The following ZNF385D variants were observed in gnomAD, a reference collection of about 807,000 sequenced individuals.
ZNF385D encodes the protein zinc finger protein 659.
Under a neutral mutation model 35.8 loss-of-function variants are expected in ZNF385D, and 15 were observed. That is an observed-to-expected ratio of 0.42 (90% CI 0.28 to 0.64). The LOEUF is 0.64. Ranked by LOEUF, ZNF385D falls within the 30% of genes least tolerant of loss-of-function variation. The probability of loss-of-function intolerance (pLI) is 0.23; values close to 1 mark genes in which losing one functional copy is unlikely to be tolerated. For synonymous variants in ZNF385D, 212 were observed against 186.8 expected (o/e 1.13, Z -1.10); for missense variants, 474 against 494.6 (o/e 0.96, Z 0.39).
At chr3:21,748,968 C>G (rs1297245827) in intron 1 of ZNF385D, among the ~76,000 whole-genome samples, 2 of 152,074 alleles carry the variant, frequency 1.3e-5, no homozygotes, top group Admixed American at 1.3e-4. Context: ...TTGTGGATAT[C>G]TAACAGCTTG....
rs2070049049 is a variant in ZNF385D at position 21,751,003 on chromosome 3, A to G, written c.-87T>C. On this transcript the variant is annotated 5_prime_UTR_variant, in exon 1 of 8. An upstream open reading frame in the 5' UTR loses its in-frame stop. Coordinates refer to ENST00000281523, the MANE Select transcript of ZNF385D (RefSeq NM_024697.3). ...ACGTAGAGCAGAGCCCTTTCATGCT[A>G]CATTCGGTGGAAATGTCCCCGGCGT... 1.2e-6 allele frequency: 2 copies of G among 1,609,982 alleles called. No homozygotes were observed. Among genetic ancestry groups the G allele is most frequent in the Non-Finnish European group, 1.7e-6 (2 of 1,178,298 alleles).
intron 2 of ZNF385D, among the ~76,000 whole-genome samples, chr3:21,593,177 A>G (rs2064031897): frequency 6.6e-6 from 1 of 151,862 alleles, no homozygotes; most frequent in Admixed American, 6.6e-5. Flanking sequence ...TCTCAACTCA[A>G]CTCACTTACT....
At chr3:21,858,343 C>G (rs1696849319) in intron 3 of ZNF385D, among the ~76,000 whole-genome samples, 1 of 151,926 alleles carries the variant, frequency 6.6e-6, no homozygotes, top group African/African-American at 2.4e-5. Flanking sequence ...ACAGTGGACT[C>G]TGGTCAAATT....
At chr3:22,068,561 T>C (rs995596880) in intron 3 of ZNF385D, among the ~76,000 whole-genome samples, 1 of 152,218 alleles carries the variant, frequency 6.6e-6, no homozygotes, top group African/African-American at 2.4e-5. Context: ...CTCCTAGCAG[T>C]TGGATCTGCC....
intron 3 of ZNF385D, chr3:21,511,837 T>G (rs530871406): frequency 1.8e-5 from 8 of 453,574 alleles, no homozygotes; most frequent in South Asian, 1.1e-4. Flanking sequence ...TTTTTTTTTG[T>G]GGGGGAGCGG....
At chr3:22,171,095 C>A (rs888368496) in intron 2 of ZNF385D, among the ~76,000 whole-genome samples, 11 of 147,896 alleles carry the variant, frequency 7.4e-5, no homozygotes, top group African/African-American at 2.5e-4. Context: ...AAAAATTGCA[C>A]ATGATGACCA....
intron 3 of ZNF385D, among the ~76,000 whole-genome samples, chr3:21,935,144 T>C (rs764251514): frequency 2.6e-4 from 40 of 152,276 alleles, no homozygotes; most frequent in Non-Finnish European, 5.0e-4. Context: ...TATTAATAAG[T>C]TGTATAGAAA....
At chr3:21,827,118 C>A (rs1001126249) in intron 3 of ZNF385D, among the ~76,000 whole-genome samples, 1 of 152,152 alleles carries the variant, frequency 6.6e-6, no homozygotes, top group Admixed American at 6.5e-5. Flanking sequence ...GAAATTAGGT[C>A]ATACATGCAA....
At chr3:22,333,248 G>A (rs1276743543) in intron 2 of ZNF385D, among the ~76,000 whole-genome samples, 1 of 152,114 alleles carries the variant, frequency 6.6e-6, no homozygotes, top group Non-Finnish European at 1.5e-5. Context: ...CTGGCTTTCA[G>A]GAGTGTGTTT....
At chr3:22,186,595 G>A (rs1559437780) in intron 2 of ZNF385D, among the ~76,000 whole-genome samples, 1 of 151,978 alleles carries the variant, frequency 6.6e-6, no homozygotes, top group Non-Finnish European at 1.5e-5. Context: ...ATTTTGATCT[G>A]ACTTTCCTTG....
intron 2 of ZNF385D, among the ~76,000 whole-genome samples, chr3:21,567,800 G>T (rs528097344): frequency 6.6e-6 from 1 of 152,234 alleles, no homozygotes; most frequent in East Asian, 1.9e-4. Flanking sequence ...ATACTGCTGA[G>T]TTTTTATCAT....
At chr3:21,610,381 T>C (rs2125787507) in intron 2 of ZNF385D, among the ~76,000 whole-genome samples, 1 of 152,332 alleles carries the variant, frequency 6.6e-6, no homozygotes, top group South Asian at 2.1e-4. Context: ...ATATGAGCAC[T>C]TATTAACATA....
At chr3:21,940,539 T>C (rs1280315504) in intron 3 of ZNF385D, among the ~76,000 whole-genome samples, 2 of 152,196 alleles carry the variant, frequency 1.3e-5, no homozygotes, top group Non-Finnish European at 2.9e-5. Context: ...TGCCAGAAAC[T>C]CTGCTTCTTG....
Position 21,656,594 on chromosome 3 carries a change from C to G in ZNF385D, c.165+8292G>C, listed in dbSNP as rs139192560. ...CAATGACCCTATTTCCAATTAAGAT[C>G]ACATTCTAATTCACTAGGAGTAATG... is the stretch of plus-strand genomic sequence containing the variant. On this transcript the variant is annotated intron_variant, in intron 2 of 7. Transcript: ENST00000281523. 8.2e-3 allele frequency among the ~76,000 whole-genome samples: 1,252 copies of G among 151,968 alleles called. 19 individuals carry two copies. The highest frequency in any genetic ancestry group is 0.029 in the African/African-American group (1,217 of 41,498).
At chr3:21,582,798 G>C (rs931777785) in intron 2 of ZNF385D, among the ~76,000 whole-genome samples, 3 of 151,110 alleles carry the variant, frequency 2.0e-5, no homozygotes, top group Non-Finnish European at 4.4e-5. Context: ...TATCCTTTGA[G>C]ATGGAGTCTC....
intron 2 of ZNF385D, among the ~76,000 whole-genome samples, chr3:22,189,794 C>T (rs182227334): frequency 1.4e-4 from 22 of 152,236 alleles, no homozygotes; most frequent in Admixed American, 3.9e-4. Context: ...TACCTCAAAA[C>T]AGCCATTAAT....
chr3:22,119,172 C>T (rs1174651620), intron 3 of ZNF385D, among the ~76,000 whole-genome samples: 1 of 152,148 alleles, frequency 6.6e-6, no homozygotes, highest in Non-Finnish European at 1.5e-5. Context: ...GCCATTGGCA[C>T]TGGCTTCAGA....
At chr3:21,472,734 T>C (rs557166834) in intron 4 of ZNF385D, among the ~76,000 whole-genome samples, 179 of 152,222 alleles carry the variant, frequency 1.2e-3, no homozygotes, top group Non-Finnish European at 2.3e-3. Context: ...ACAATGTTCA[T>C]ATAAGGAGAT....
intron 2 of ZNF385D, among the ~76,000 whole-genome samples, chr3:21,649,535 AGTTT>A (rs1276692860): frequency 6.6e-6 from 1 of 152,156 alleles, no homozygotes; most frequent in Non-Finnish European, 1.5e-5. Context: ...ATTTTATAAG[AGTTT>A]GTTTTCATTT....
Sources: allele counts gnomAD v4.1 joint callset (sites outside exome capture counted in the v4.1 genomes callset), GRCh38; gene constraint gnomAD v4.1.1; transcripts MANE v1.5; gene names NCBI Gene and HGNC (gene_info 2026-07-23, HGNC 2026-07-21).